The following ZNF385D variants were observed in gnomAD, a reference collection of about 807,000 sequenced individuals.
The protein encoded by ZNF385D is zinc finger protein 659.
ZNF385D carries 15 observed loss-of-function variants against 35.8 expected under a neutral mutation model. That is an observed-to-expected ratio of 0.42 (90% confidence interval 0.28 to 0.64). The LOEUF is 0.64. Ranked by LOEUF, ZNF385D falls within the 30% of genes least tolerant of loss-of-function variation. The pLI, the probability that ZNF385D is intolerant of heterozygous loss-of-function variation, is 0.23. For synonymous variants in ZNF385D, 212 were observed against 186.8 expected, an observed-to-expected ratio of 1.13 and a Z score of -1.10; for missense variants, 474 against 494.6, an observed-to-expected ratio of 0.96 and a Z score of 0.39.
chr3:22,168,023 C>T (rs935224378), intron 3 of ZNF385D, among the ~76,000 whole-genome samples: 1 of 152,098 alleles, frequency 6.6e-6, no homozygotes, highest in Non-Finnish European at 1.5e-5. Flanking sequence ...TATTAAAAAT[C>T]TTTATGATGT....
chr3:21,779,707 G>A (rs1276834041), intron 3 of ZNF385D, among the ~76,000 whole-genome samples: 1 of 151,944 alleles, frequency 6.6e-6, no homozygotes, highest in African/African-American at 2.4e-5. Context: ...CTATGGTACA[G>A]TAAAGATCTA....
At chr3:21,698,736 A>C (rs2067561875) in intron 1 of ZNF385D, among the ~76,000 whole-genome samples, 1 of 152,250 alleles carries the variant, frequency 6.6e-6, no homozygotes, top group Non-Finnish European at 1.5e-5. Context: ...AACATAAAAA[A>C]AAAAAGTTTA....
At chr3:22,323,576 GCTAA>G (rs1575118809) in intron 2 of ZNF385D, among the ~76,000 whole-genome samples, 1 of 152,090 alleles carries the variant, frequency 6.6e-6, no homozygotes, top group Non-Finnish European at 1.5e-5. Flanking sequence ...GCTAAAGACA[GCTAA>G]CTTTCTTATT....
chr3:22,282,875 C>T (rs1701835916), intron 2 of ZNF385D, among the ~76,000 whole-genome samples: 1 of 151,972 alleles, frequency 6.6e-6, no homozygotes, highest in South Asian at 2.1e-4. Context: ...AAGTGTTCCA[C>T]TTAAAAGACA....
intron 2 of ZNF385D, among the ~76,000 whole-genome samples, chr3:21,587,495 A>G (rs1219766267): frequency 6.6e-6 from 1 of 152,224 alleles, no homozygotes; most frequent in Non-Finnish European, 1.5e-5. Context: ...AACACAGACC[A>G]TCATATGAAT....
At chr3:21,797,437 A>G (rs1182959528) in intron 3 of ZNF385D, among the ~76,000 whole-genome samples, 1 of 152,226 alleles carries the variant, frequency 6.6e-6, no homozygotes. Flanking sequence ...GTGGTTTCTT[A>G]CAAAACTAAA....
intron 3 of ZNF385D, among the ~76,000 whole-genome samples, chr3:21,764,828 C>T (rs1215004742): frequency 1.3e-5 from 2 of 152,108 alleles, no homozygotes; most frequent in Non-Finnish European, 2.9e-5. Context: ...TAAGTTTTTA[C>T]ATTTATATGC....
rs552181009 is a variant in ZNF385D at position 21,574,586 on chromosome 3, C to T, written c.166-9902G>A. ...ATCATTGTGGCATGATTGTGTGCTT[C>T]GAAAAATCATTATCATTATAAATAT... On this transcript the variant is annotated intron_variant, in intron 2 of 7. Coordinates refer to ENST00000281523, the MANE Select transcript of ZNF385D (RefSeq NM_024697.3). 7.6e-4 allele frequency among the ~76,000 whole-genome samples: 115 copies of T among 151,954 alleles called. 1 individual carries two copies. The East Asian group carries it at 8.3e-3, about 11-fold the overall frequency.
chr3:21,635,776 C>G (rs2065413301), intron 2 of ZNF385D, among the ~76,000 whole-genome samples: 1 of 152,082 alleles, frequency 6.6e-6, no homozygotes, highest in Admixed American at 6.6e-5. Flanking sequence ...ATTCTCATAG[C>G]TTAGCTCCCA....
intron 1 of ZNF385D, among the ~76,000 whole-genome samples, chr3:21,729,085 C>T (rs971713882): frequency 1.3e-5 from 2 of 152,042 alleles, no homozygotes; most frequent in African/African-American, 4.8e-5. Context: ...ATTCTGAGTA[C>T]AGAAATAAAA....
Position 21,564,646 on chromosome 3 carries a change from G to A in ZNF385D, c.204C>T (p.Phe68=), listed in dbSNP as rs1290903804. 3.2e-6 allele frequency: 5 copies of A among 1,586,016 alleles called. No homozygotes were observed. Among genetic ancestry groups the A allele is most frequent in the Middle Eastern group, 1.7e-4 (1 of 5,934 alleles). The part of the protein sequence containing the change: ...PIQKAVINHT[F]GVPLPHRRKQ... ...TTCTTCGGTGGGGAAGAGGAACCCCGAATGTATGGTTTATTACAGCTTTCT... is the reference window on the plus strand; with the variant it reads ...TTCTTCGGTGGGGAAGAGGAACCCCAAATGTATGGTTTATTACAGCTTTCT... The change falls in exon 3 of 8, where the codon TTC becomes TTT. Residue 68 remains phenylalanine, a synonymous_variant. Coordinates refer to ENST00000281523, the MANE Select transcript of ZNF385D (RefSeq NM_024697.3).
intron 2 of ZNF385D, among the ~76,000 whole-genome samples, chr3:21,585,249 T>C (rs1344165036): frequency 6.6e-6 from 1 of 152,206 alleles, no homozygotes; most frequent in Non-Finnish European, 1.5e-5. Context: ...GCTTTCTAAG[T>C]AACATTTTGC....
chr3:21,824,604 G>A (rs185893304), intron 3 of ZNF385D, among the ~76,000 whole-genome samples: 55 of 152,040 alleles, frequency 3.6e-4, no homozygotes, highest in Admixed American at 3.4e-3. Flanking sequence ...GTACAGTTAC[G>A]TGGTTGTATC....
At chr3:22,350,361 G>A (rs544259005) in intron 2 of ZNF385D, among the ~76,000 whole-genome samples, 1 of 152,134 alleles carries the variant, frequency 6.6e-6, no homozygotes, top group South Asian at 2.1e-4. Context: ...CTTTAGGATG[G>A]GATTACCCAT....
At chr3:21,867,468 T>C (rs1697431122) in intron 3 of ZNF385D, among the ~76,000 whole-genome samples, 1 of 152,144 alleles carries the variant, frequency 6.6e-6, no homozygotes, top group African/African-American at 2.4e-5. Flanking sequence ...GGAGTCTGTA[T>C]TTCAAAGCAG....
intron 2 of ZNF385D, among the ~76,000 whole-genome samples, chr3:22,327,207 T>C: frequency 6.6e-6 from 1 of 152,152 alleles, no homozygotes; most frequent in East Asian, 1.9e-4. Context: ...GCCATAAAAA[T>C]CCATTCGAAA....
intron 3 of ZNF385D, among the ~76,000 whole-genome samples, chr3:21,900,596 G>C (rs1259786890): frequency 6.6e-6 from 1 of 151,924 alleles, no homozygotes; most frequent in East Asian, 1.9e-4. Flanking sequence ...TAGATACATG[G>C]GGCCAGAATA....
chr3:21,602,095 C>A (rs983731844), intron 2 of ZNF385D, among the ~76,000 whole-genome samples: 19 of 152,146 alleles, frequency 1.2e-4, no homozygotes, highest in Admixed American at 4.6e-4. Context: ...AAAGGCAGGT[C>A]TTAATGGCTG....
chr3:21,873,689 A>C (rs1390641530), intron 3 of ZNF385D, among the ~76,000 whole-genome samples: 1 of 152,068 alleles, frequency 6.6e-6, no homozygotes, highest in East Asian at 1.9e-4. Context: ...TACTTTGATG[A>C]GTTTGACCAC....
Sources: gnomAD v4.1 joint callset for allele counts (sites outside exome capture counted in the v4.1 genomes callset) on GRCh38, gnomAD v4.1.1 for gene constraint, MANE v1.5 for transcripts, NCBI Gene and HGNC (gene_info 2026-07-23, HGNC 2026-07-21) for gene names.